Variants in USF3 observed in about 807,000 individuals in gnomAD.
The protein encoded by USF3 is upstream transcription factor family member 3, also known as basic helix-loop-helix domain-containing protein USF3.
USF3 carries 29 observed loss-of-function variants against 157.5 expected under a neutral mutation model. That is an observed-to-expected ratio of 0.18 (90% CI 0.14 to 0.25). The LOEUF (loss-of-function observed/expected upper bound fraction) is 0.25. Ranked by LOEUF, USF3 falls within the 10% of genes least tolerant of loss-of-function variation. USF3 has a pLI of 1.00. For synonymous variants in USF3, 893 were observed against 941.4 expected, an observed-to-expected ratio of 0.95 and a Z score of 0.94; for missense variants, 2,381 against 2,667.6, an observed-to-expected ratio of 0.89 and a Z score of 2.37.
At chr3:113,675,830 A>G (rs74476051) in intron 2 of USF3, among the ~76,000 whole-genome samples, 3,571 of 152,208 alleles carry the variant, frequency 0.023, 116 homozygotes, top group East Asian at 0.11. Context: ...CCTCTTGAAC[A>G]TTTTGCTGCT....
intron 1 of USF3, among the ~76,000 whole-genome samples, chr3:113,695,484 C>A (rs1707777969): frequency 1.3e-5 from 2 of 152,294 alleles, no homozygotes; most frequent in African/African-American, 4.8e-5. Context: ...GAAATCTGTA[C>A]GTTGTTTATA....
At chr3:113,675,318 CA>C (rs967287729) in intron 2 of USF3, among the ~76,000 whole-genome samples, 1 of 151,368 alleles carries the variant, frequency 6.6e-6, no homozygotes, top group Non-Finnish European at 1.5e-5. Flanking sequence ...ACTCTGAACA[CA>C]AAAAAAACAA....
Position 113,660,599 on chromosome 3 carries a change from C to T in USF3, c.1083G>A (p.Lys361=). ...TAGCTGTACTTGTCAAGTCTGCACT[C>T]TTACTAATGCTCATTGGAGAAGAAT... ...AGDSSPMSIS[K]SADLTSTATV... is the part of the protein sequence containing the mutation. Residue 361 remains lysine, a synonymous_variant, in exon 7 of 7, where the codon AAG becomes AAA. Transcript: ENST00000316407. The T allele has an allele frequency of 6.2e-7, 1 of 1,614,182 alleles. No individual in the cohort carries two copies. Among genetic ancestry groups the T allele is most frequent in the Non-Finnish European group, 8.5e-7 (1 of 1,180,030 alleles).
rs1707804754 is a variant in USF3, at chr3:113,696,515, T to C, written c.-280A>G. 6.6e-6 allele frequency: 1 copy of C among 151,734 alleles called. No individual in the cohort carries two copies. The highest frequency in any genetic ancestry group is 2.4e-5 in the African/African-American group (1 of 41,148). 9.4% of individuals were successfully genotyped at this position (151,734 alleles called of 1,614,324 possible). ...CGGCCACCGCCTGCTCCTCCGGGGC[T>C]GGGGGAGCGCGGGCCCAGGCCCTCC... On this transcript the variant is annotated 5_prime_UTR_variant, in exon 1 of 7. Coordinates refer to ENST00000316407, the MANE Select transcript of USF3 (RefSeq NM_001009899.4).
chr3:113,666,715 G>A (rs188134181), intron 5 of USF3, among the ~76,000 whole-genome samples: 2 of 151,600 alleles, frequency 1.3e-5, no homozygotes, highest in Admixed American at 6.6e-5. Flanking sequence ...ACAGGCACCC[G>A]CCACCATGCC....
At chr3:113,676,945 T>G (rs1028961605) in intron 2 of USF3, among the ~76,000 whole-genome samples, 1 of 152,218 alleles carries the variant, frequency 6.6e-6, no homozygotes, top group Non-Finnish European at 1.5e-5. Flanking sequence ...AAGACCACGT[T>G]ACCTAGTAGT....
rs369937735 is a variant in USF3, at chr3:113,658,430, G to A, written c.3252C>T (p.Ala1084=). Residue 1084 remains alanine, a synonymous_variant, in exon 7 of 7, where the codon GCC becomes GCT. Transcript: ENST00000316407. ...INGSLINGRQ[A]DSPMSTSSGS... ...CAGAGCTGGTTGACATGGGAGAGTC[G>A]GCCTGTCTACCGTTGATCAAAGAAC... The A allele has an allele frequency of 1.6e-4, 263 of 1,614,016 alleles. No homozygotes were observed. The highest frequency in any genetic ancestry group is 4.3e-4 in the Admixed American group (26 of 60,020).
intron 1 of USF3, among the ~76,000 whole-genome samples, chr3:113,694,333 A>G (rs893557790): frequency 7.9e-5 from 12 of 152,226 alleles, no homozygotes; most frequent in Non-Finnish European, 1.2e-4. Context: ...CTAAGCTCTG[A>G]AAATAGGAAA....
At chr3:113,682,802 A>G (rs915593491) in intron 1 of USF3, among the ~76,000 whole-genome samples, 1 of 150,578 alleles carries the variant, frequency 6.6e-6, no homozygotes, top group Non-Finnish European at 1.5e-5. Flanking sequence ...TTTGTATGCT[A>G]TATCTTTTCC....
Position 113,648,453 on chromosome 3 carries a change from T to C in USF3, c.*6491A>G, listed in dbSNP as rs953169468. 1.3e-5 allele frequency: 2 copies of C among 152,632 alleles called. No homozygotes were observed. The highest frequency in any genetic ancestry group is 4.8e-5 in the African/African-American group (2 of 41,446). The allele number at this position is 152,632 out of a possible 1,614,324, so 9.5% of individuals were successfully genotyped here. ...CTATATTCATATCTATACAAATAATTATTACAACCATTAAAATGTTACATT... is the reference window on the plus strand; with the variant it reads ...CTATATTCATATCTATACAAATAATCATTACAACCATTAAAATGTTACATT... On this transcript the variant is annotated 3_prime_UTR_variant, in exon 7 of 7. Transcript: ENST00000316407.
chr3:113,655,303 T>G lies in USF3; in HGVS notation c.6379A>C (p.Ile2127Leu), dbSNP rs779129065. The change falls in exon 7 of 7, where the codon ATC (isoleucine) becomes CTC (leucine). Residue 2127 changes from isoleucine (I) to leucine (L), a missense_variant. Transcript: ENST00000316407. ...AHPTLSNDIS[I>L]PYFPNQMFSN... ...AACATCTGATTAGGAAAATAGGGGA[T>G]TGAAATATCATTGGACAGTGTAGGA... 9 of 1,614,112 alleles carry G rather than the reference T, an allele frequency of 5.6e-6. No individual in the cohort carries two copies. Among genetic ancestry groups the G allele is most frequent in the Non-Finnish European group, 7.6e-6 (9 of 1,179,998 alleles).
chr3:113,684,916 G>A (rs79773478), intron 1 of USF3, among the ~76,000 whole-genome samples: 2 of 152,196 alleles, frequency 1.3e-5, no homozygotes, highest in African/African-American at 4.8e-5. Flanking sequence ...GTGGATGTTT[G>A]TCAATGTCTG....
intron 1 of USF3, among the ~76,000 whole-genome samples, chr3:113,692,109 A>G (rs1056022416): frequency 1.3e-5 from 2 of 152,186 alleles, no homozygotes; most frequent in Admixed American, 6.5e-5. Context: ...TCGCACTCCT[A>G]TGATAATCTA....
intron 2 of USF3, among the ~76,000 whole-genome samples, chr3:113,675,668 C>T (rs1707265170): frequency 6.6e-6 from 1 of 152,020 alleles, no homozygotes. Context: ...CTTTTATATC[C>T]CAGAGATTGA....
chr3:113,676,370 G>C (rs995448931), intron 2 of USF3, among the ~76,000 whole-genome samples: 1 of 152,176 alleles, frequency 6.6e-6, no homozygotes, highest in Non-Finnish European at 1.5e-5. Flanking sequence ...CAGGGCTGGG[G>C]AGGCCTCAGG....
At chr3:113,695,076 C>A (rs916481055) in intron 1 of USF3, among the ~76,000 whole-genome samples, 1 of 152,150 alleles carries the variant, frequency 6.6e-6, no homozygotes, top group Non-Finnish European at 1.5e-5. Flanking sequence ...ACGAACTTGT[C>A]TTCTTGTCTT....
Position 113,658,812 on chromosome 3 carries a change from T to C in USF3, c.2870A>G (p.Gln957Arg), listed in dbSNP as rs756437972. The C allele has an allele frequency of 6.2e-7, 1 of 1,614,174 alleles. No homozygotes were observed. The highest frequency in any genetic ancestry group is 1.1e-5 in the South Asian group (1 of 91,084). ...SPSDPHILVS[Q>R]VPGLSSTTST... ...TGTTGTAGATGACAAACCAGGAACC[T>C]GAGAAACCAAAATGTGAGGATCACT... The change falls in exon 7 of 7, where the codon CAG (glutamine) becomes CGG (arginine). Residue 957 changes from glutamine to arginine, a missense_variant. By Grantham distance (43) the Gln-to-Arg change is conservative. Around this residue, in one of 6 missense-constraint regions of USF3, gnomAD observed 1,435 missense variants for 1,550.9 expected, o/e 0.93. Transcript: ENST00000316407.
rs773944217 is a variant in USF3 at position 113,658,735 on chromosome 3, A to G, written c.2947T>C (p.Cys983Arg). ...VSEVEIIAEPCRVEQDSSDTM... is the reference protein window; with the variant it reads ...VSEVEIIAEPRRVEQDSSDTM... ...TCTGATGAATCTTGCTCAACTCTGC[A>G]AGGTTCAGCAATGATTTCTACCTCA... is the stretch of plus-strand genomic sequence containing the variant. The change falls in exon 7 of 7, where the codon TGC (cysteine) becomes CGC (arginine). Residue 983 changes from cysteine to arginine, a missense_variant. By Grantham distance (180) the Cys-to-Arg change is radical (BLOSUM62 -3). Around this residue, in one of 6 missense-constraint regions of USF3, gnomAD observed 1,435 missense variants for 1,550.9 expected, o/e 0.93. Coordinates refer to ENST00000316407, the MANE Select transcript of USF3 (RefSeq NM_001009899.4). The G allele has an allele frequency of 3.1e-6, 5 of 1,613,958 alleles. No homozygotes were observed. In the African/African-American group the frequency reaches 5.3e-5, roughly 17 times the overall value.
intron 1 of USF3, among the ~76,000 whole-genome samples, chr3:113,695,136 A>G (rs1229604432): frequency 6.6e-6 from 1 of 152,266 alleles, no homozygotes; most frequent in Non-Finnish European, 1.5e-5. Context: ...AGCTTGGCTT[A>G]GGCTAAAGCA....
Sources: gnomAD v4.1 joint callset for allele counts (sites outside exome capture counted in the v4.1 genomes callset) on GRCh38, gnomAD v4.1.1 for gene constraint, gnomAD v4.1.1 regional missense constraint, MANE v1.5 for transcripts, NCBI Gene and HGNC (gene_info 2026-07-23, HGNC 2026-07-21) for gene names.